Variants in LPAR1 observed in about 807,000 individuals in gnomAD.
LPAR1 encodes the protein lysophosphatidic acid receptor 1.
A neutral mutation model predicts 23.8 loss-of-function variants in LPAR1; 5 were observed. That is an observed-to-expected ratio of 0.21 (90% CI 0.11 to 0.44). The LOEUF is 0.44. Among genes scored for constraint, LPAR1 ranks in the 20% least tolerant of loss-of-function variants. The probability of loss-of-function intolerance (pLI) is 0.99; values close to 1 mark genes in which losing one functional copy is unlikely to be tolerated. For synonymous variants in LPAR1, 160 were observed against 164.7 expected, an observed-to-expected ratio of 0.97 and a Z score of 0.22; for missense variants, 311 against 482.8, an observed-to-expected ratio of 0.64 and a Z score of 3.33.
At chr9:111,021,055 T>C (rs139922163) in intron 2 of LPAR1, among the ~76,000 whole-genome samples, 254 of 152,300 alleles carry the variant, frequency 1.7e-3, no homozygotes, top group African/African-American at 5.8e-3. Flanking sequence ...CTTGAAAGAC[T>C]GAATATATTG....
chr9:110,996,189 A>G (rs951100246), intron 2 of LPAR1, among the ~76,000 whole-genome samples: 9 of 152,186 alleles, frequency 5.9e-5, no homozygotes, highest in Non-Finnish European at 1.3e-4. Flanking sequence ...AATATCACAC[A>G]GAAAACTTCT....
intron 5 of LPAR1, among the ~76,000 whole-genome samples, chr9:110,891,039 T>C (rs924739576): frequency 1.3e-5 from 2 of 152,170 alleles, no homozygotes; most frequent in East Asian, 3.8e-4. Context: ...GAAAAGGATA[T>C]CCATTTGTAC....
intron 5 of LPAR1, among the ~76,000 whole-genome samples, chr9:110,927,077 C>T (rs561462569): frequency 1.8e-4 from 27 of 152,316 alleles, no homozygotes; most frequent in African/African-American, 6.0e-4. Context: ...GAAACACTGA[C>T]GTAGCGAAGT....
At chr9:110,898,204 T>G (rs1019538679) in intron 5 of LPAR1, among the ~76,000 whole-genome samples, 3 of 152,224 alleles carry the variant, frequency 2.0e-5, no homozygotes, top group Non-Finnish European at 4.4e-5. Flanking sequence ...AACCAATATT[T>G]CTGGACCAAG....
Position 110,875,405 on chromosome 9 carries a change from C to G in LPAR1, c.*16G>C. On this transcript the variant is annotated 3_prime_UTR_variant, in exon 6 of 6. Transcript: ENST00000683809. ...CTCCAAGAGAGGACGGCTGGTTCCTCATCTCAGTTTCCGTTCTAAACCACA... is the reference window on the plus strand; with the variant it reads ...CTCCAAGAGAGGACGGCTGGTTCCTGATCTCAGTTTCCGTTCTAAACCACA... The G allele has an allele frequency of 6.3e-7, 1 of 1,595,184 alleles. No individual in the cohort carries two copies. Among genetic ancestry groups the G allele is most frequent in the South Asian group, 1.1e-5 (1 of 89,778 alleles).
At chr9:110,907,336 T>C (rs2091485449) in intron 5 of LPAR1, among the ~76,000 whole-genome samples, 2 of 152,130 alleles carry the variant, frequency 1.3e-5, no homozygotes, top group South Asian at 4.1e-4. Context: ...TCTAATATTC[T>C]TAGCTCTGTA....
chr9:110,926,325 G>A (rs1230829027), intron 5 of LPAR1, among the ~76,000 whole-genome samples: 1 of 152,208 alleles, frequency 6.6e-6, no homozygotes, highest in East Asian at 1.9e-4. Context: ...ACAAGCAAAT[G>A]ATTGATTTAC....
rs1217237897 is a variant in LPAR1, at chr9:110,972,122, G to C, written c.-5C>G. 1 of 1,613,718 alleles carries C rather than the reference G, an allele frequency of 6.2e-7. No individual in the cohort carries two copies. Among genetic ancestry groups the C allele is most frequent in the Non-Finnish European group, 8.5e-7 (1 of 1,179,632 alleles). Reference sequence around the variant, plus strand: ...GGAAGTAGAGATGGCAGCCATGACAGCTCTGTGGTTGTAGGTGGTGAACAC... The same window carrying C: ...GGAAGTAGAGATGGCAGCCATGACACCTCTGTGGTTGTAGGTGGTGAACAC... On this transcript the variant is annotated 5_prime_UTR_variant, in exon 4 of 6. Coordinates refer to ENST00000683809, the MANE Select transcript of LPAR1 (RefSeq NM_001351411.2).
intron 4 of LPAR1, among the ~76,000 whole-genome samples, chr9:110,947,562 A>G (rs189581171): frequency 4.8e-4 from 73 of 152,362 alleles, no homozygotes; most frequent in Non-Finnish European, 9.1e-4. Context: ...TAAACGCTAA[A>G]GAGTCACATA....
At chr9:110,893,680 G>C (rs1044845995) in intron 5 of LPAR1, among the ~76,000 whole-genome samples, 1 of 152,120 alleles carries the variant, frequency 6.6e-6, no homozygotes, top group Non-Finnish European at 1.5e-5. Context: ...AGCCTGTCCA[G>C]GACAGGGTGG....
At chr9:110,964,592 ATTG>A (rs2096129341) in intron 4 of LPAR1, among the ~76,000 whole-genome samples, 1 of 152,184 alleles carries the variant, frequency 6.6e-6, no homozygotes, top group South Asian at 2.1e-4. Context: ...CTATATTGAG[ATTG>A]TTATTTTTAT....
At chr9:111,028,618 C>CTT (rs57371925) in intron 2 of LPAR1, among the ~76,000 whole-genome samples, 64,746 of 145,876 alleles carry the variant, frequency 0.44, 15,028 homozygotes, top group East Asian at 0.67. Context: ...TAGAAAAAGA[C>CTT]TTTTTTTTTT....
intron 4 of LPAR1, among the ~76,000 whole-genome samples, chr9:110,945,750 T>G (rs752836594): frequency 6.6e-6 from 1 of 152,202 alleles, no homozygotes; most frequent in African/African-American, 2.4e-5. Context: ...TTTCCTTGTC[T>G]TTTCCAACTT....
chr9:110,886,277 T>A lies in LPAR1; in HGVS notation c.794-10555A>T, dbSNP rs575516201. On this transcript the variant is annotated intron_variant, in intron 5 of 5. Coordinates refer to ENST00000683809, the MANE Select transcript of LPAR1 (RefSeq NM_001351411.2). Reference sequence around the variant, plus strand: ...CACTCAGGAGGCTGAGGCAGAAGAATCACTTGAACCCGGGAGACAGAGGTT... The same window carrying A: ...CACTCAGGAGGCTGAGGCAGAAGAAACACTTGAACCCGGGAGACAGAGGTT... 2.0e-5 allele frequency among the ~76,000 whole-genome samples: 3 copies of A among 149,284 alleles called. No individual in the cohort carries two copies. The East Asian group carries it at 6.0e-4, about 30-fold the overall frequency.
At chr9:111,009,603 C>T (rs755934706) in intron 2 of LPAR1, among the ~76,000 whole-genome samples, 5 of 151,894 alleles carry the variant, frequency 3.3e-5, no homozygotes, top group Non-Finnish European at 7.4e-5. Flanking sequence ...TTTTTGTTTA[C>T]ATTTTTATAT....
chr9:110,932,330 A>G (rs1201891847), intron 5 of LPAR1, among the ~76,000 whole-genome samples: 1 of 152,196 alleles, frequency 6.6e-6, no homozygotes, highest in Non-Finnish European at 1.5e-5. Flanking sequence ...GGTAGCAGTG[A>G]GAGATTAGGA....
intron 5 of LPAR1, among the ~76,000 whole-genome samples, chr9:110,885,204 A>G (rs977739515): frequency 2.0e-5 from 3 of 152,200 alleles, no homozygotes; most frequent in Non-Finnish European, 2.9e-5. Context: ...TGTGTTTCCT[A>G]TACTATCACT....
At position 110,941,721 on chromosome 9, in the gene LPAR1, C is replaced by T; in HGVS notation, c.493G>A (p.Val165Met). ...LHTRMSNRRVVVVIVVIWTMA... is the reference protein window; with the variant it reads ...LHTRMSNRRVMVVIVVIWTMA... ...GTCCAGATGACCACAATGACCACCA[C>T]TACCCGCCGGTTGCTCATCCGTGTG... Residue 165 changes from valine to methionine, a missense_variant, in exon 5 of 6, where the codon GTG (valine) becomes ATG (methionine). This residue lies in a region of LPAR1 where 250 missense variants were observed against 427.2 expected (regional missense o/e 0.59). Transcript: ENST00000683809. The surrounding 1 kb of genome is among the most constrained non-coding windows in gnomAD (Gnocchi z 6.1). 1 of 1,614,214 alleles carries T rather than the reference C, an allele frequency of 6.2e-7. No homozygotes were observed. The highest frequency in any genetic ancestry group is 8.5e-7 in the Non-Finnish European group (1 of 1,180,026).
intron 5 of LPAR1, among the ~76,000 whole-genome samples, chr9:110,920,122 C>T (rs1201450065): frequency 6.6e-6 from 1 of 152,192 alleles, no homozygotes; most frequent in Non-Finnish European, 1.5e-5. Flanking sequence ...CATGTTCTCT[C>T]TGCCCTGCAC....
Sources: gnomAD v4.1 joint callset for allele counts (sites outside exome capture counted in the v4.1 genomes callset) on GRCh38, gnomAD v4.1.1 for gene constraint, gnomAD v4.1.1 regional missense constraint, Gnocchi (gnomAD v3.1) non-coding constraint, MANE v1.5 for transcripts, NCBI Gene and HGNC (gene_info 2026-07-23, HGNC 2026-07-21) for gene names.